The following DDAH1 variants were observed in gnomAD, a reference collection of about 807,000 sequenced individuals.
DDAH1 encodes the protein dimethylarginine dimethylaminohydrolase 1.
Under a neutral mutation model 28.8 loss-of-function variants are expected in DDAH1, and 19 were observed. The ratio of observed to expected loss-of-function variants is 0.66; its 90% CI spans 0.46 to 0.97. The LOEUF is 0.97. DDAH1 is among the 50% of genes least tolerant of loss of function. DDAH1 has a pLI of 0.00. For synonymous variants in DDAH1, 153 were observed against 154.4 expected, an observed-to-expected ratio of 0.99 and a Z score of 0.07; for missense variants, 326 against 375.9, an observed-to-expected ratio of 0.87 and a Z score of 1.10.
chr1:85,514,442 A>C (rs991550236), intron 1 of DDAH1, among the ~76,000 whole-genome samples: 2 of 151,388 alleles, frequency 1.3e-5, no homozygotes, highest in African/African-American at 2.4e-5. Flanking sequence ...TGATGAATTG[A>C]TGGGTGCAGC....
At chr1:85,392,221 G>C (rs1651585356) in intron 1 of DDAH1, among the ~76,000 whole-genome samples, 1 of 152,032 alleles carries the variant, frequency 6.6e-6, no homozygotes, top group Non-Finnish European at 1.5e-5. Context: ...ATCTGTTCTA[G>C]GCCTCGTTCC....
chr1:85,527,255 A>G (rs1657903669), intron 1 of DDAH1, among the ~76,000 whole-genome samples: 2 of 152,158 alleles, frequency 1.3e-5, no homozygotes, highest in Admixed American at 6.5e-5. Flanking sequence ...TGGGTGAGTA[A>G]AGCAAGTCTT....
At chr1:85,455,592 G>A (rs561404048) in intron 1 of DDAH1, among the ~76,000 whole-genome samples, 1 of 152,260 alleles carries the variant, frequency 6.6e-6, no homozygotes, top group South Asian at 2.1e-4. Flanking sequence ...GGTAAGTCAA[G>A]ACTTAGTTAT....
intron 4 of DDAH1, among the ~76,000 whole-genome samples, chr1:85,344,315 C>CAAATGTAATATATGAAAA (rs1648695167): frequency 6.6e-6 from 1 of 152,036 alleles, no homozygotes; most frequent in African/African-American, 2.4e-5. Flanking sequence ...TAAATATACA[C>CAAATGTAATATATGAAAA]AAATGTAATA....
At chr1:85,429,097 T>C (rs945147587) in intron 1 of DDAH1, among the ~76,000 whole-genome samples, 3 of 152,036 alleles carry the variant, frequency 2.0e-5, no homozygotes, top group Non-Finnish European at 2.9e-5. Context: ...ACACATGCCA[T>C]GGTGGTTTGC....
chr1:85,411,110 A>C (rs1652636125), intron 1 of DDAH1, among the ~76,000 whole-genome samples: 1 of 152,206 alleles, frequency 6.6e-6, no homozygotes, highest in South Asian at 2.1e-4. Flanking sequence ...CTGACCAGCT[A>C]TCTTAGTCTA....
At chr1:85,398,383 G>C (rs1651910884) in intron 1 of DDAH1, 1 of 152,162 alleles carries the variant, frequency 6.6e-6, no homozygotes, top group South Asian at 2.1e-4. Flanking sequence ...ATTATAGACA[G>C]AAAAATTATG....
In DDAH1 at chr1:85,427,981, A is replaced by G. The variant is rs368968985; in HGVS notation, c.303+36762T>C. Among the ~76,000 whole-genome samples, 17 of 152,296 alleles carry G rather than the reference A, an allele frequency of 1.1e-4. 1 individual carries two copies. Among genetic ancestry groups the G allele is most frequent in the Admixed American group, 5.2e-4 (8 of 15,296 alleles). ...CAAGATAGGGAGACCCAACCCTTAC[A>G]TTCATGGCACCCACATCCCAGTCTT... On this transcript the variant is annotated intron_variant, in intron 1 of 5. Transcript: ENST00000284031.
At chr1:85,325,378 C>T (rs556818973) in intron 4 of DDAH1, among the ~76,000 whole-genome samples, 53 of 152,298 alleles carry the variant, frequency 3.5e-4, no homozygotes, top group Admixed American at 1.8e-3. Flanking sequence ...CACACACACA[C>T]GCTTTGCTCT....
At chr1:85,322,244 C>T (rs1661378099) in intron 5 of DDAH1, among the ~76,000 whole-genome samples, 1 of 152,160 alleles carries the variant, frequency 6.6e-6, no homozygotes, top group Admixed American at 6.5e-5. Flanking sequence ...CAGTTTAAAA[C>T]CCTCTCAACT....
intron 1 of DDAH1, among the ~76,000 whole-genome samples, chr1:85,461,222 TA>T (rs34243833): frequency 6.6e-6 from 1 of 152,076 alleles, no homozygotes; most frequent in Non-Finnish European, 1.5e-5. Context: ...GTATTAAACA[TA>T]AAAAATACTC....
At chr1:85,400,126 T>A (rs979837146) in intron 1 of DDAH1, among the ~76,000 whole-genome samples, 1 of 151,896 alleles carries the variant, frequency 6.6e-6, no homozygotes, top group African/African-American at 2.4e-5. Context: ...CAGGGAGGAA[T>A]GCCTGAAGGA....
chr1:85,325,350 TGCGTGCGC>T (rs1016728246), intron 4 of DDAH1, among the ~76,000 whole-genome samples: 12 of 134,874 alleles, frequency 8.9e-5, no homozygotes, highest in African/African-American at 2.9e-4. Context: ...TGCATGCACG[TGCGTGCGC>T]GCGCGCGCGC....
chr1:85,551,189 A>C (rs1219556771), intron 1 of DDAH1, among the ~76,000 whole-genome samples: 1 of 152,242 alleles, frequency 6.6e-6, no homozygotes, highest in Non-Finnish European at 1.5e-5. Context: ...CCAGGGGACT[A>C]CATGGGGCTG....
Position 85,350,452 on chromosome 1 carries a change from G to A in DDAH1, c.560C>T (p.Ala187Val), listed in dbSNP as rs1180888836. The change falls in exon 4 of 6, where the codon GCA becomes GTA. Residue 187 changes from alanine (A) to valine (V), a missense_variant. By Grantham distance (64) the Ala-to-Val change is moderately conservative. Coordinates refer to ENST00000284031, the MANE Select transcript of DDAH1 (RefSeq NM_012137.4). ...FCSMAGPNLIAIGSSESAQKA... is the reference protein window; with the variant it reads ...FCSMAGPNLIVIGSSESAQKA... ...CTGTGCAGATTCACTAGACCCAATT[G>A]CGATCAGGTTAGGCCCAGCCATGCT... 2 of 1,614,052 alleles carry A rather than the reference G, an allele frequency of 1.2e-6. No homozygotes were observed. Among genetic ancestry groups the A allele is most frequent in the Admixed American group, 3.3e-5 (2 of 60,000 alleles).
At chr1:85,440,541 T>C (rs1191906401) in intron 1 of DDAH1, among the ~76,000 whole-genome samples, 2 of 152,228 alleles carry the variant, frequency 1.3e-5, no homozygotes, top group African/African-American at 2.4e-5. Context: ...CCTGACCCTA[T>C]ACAGGACTAC....
chr1:85,430,766 G>A (rs1426478400), intron 1 of DDAH1, among the ~76,000 whole-genome samples: 1 of 152,152 alleles, frequency 6.6e-6, no homozygotes, highest in African/African-American at 2.4e-5. Flanking sequence ...TGCTGAGGTT[G>A]CTTATCAGCT....
intron 2 of DDAH1, chr1:85,482,169 A>C (rs1656034629): frequency 6.6e-6 from 1 of 152,162 alleles, no homozygotes; most frequent in Non-Finnish European, 1.5e-5. Context: ...CTGAGGATTG[A>C]GGTTTTAAGG....
intron 1 of DDAH1, among the ~76,000 whole-genome samples, chr1:85,560,510 C>T (rs1351240015): frequency 6.6e-6 from 1 of 151,856 alleles, no homozygotes; most frequent in Non-Finnish European, 1.5e-5. Flanking sequence ...ATATATGATG[C>T]AATAGCACAA....
Sources: gnomAD v4.1 joint callset for allele counts (sites outside exome capture counted in the v4.1 genomes callset) on GRCh38, gnomAD v4.1.1 for gene constraint, MANE v1.5 for transcripts, NCBI Gene and HGNC (gene_info 2026-07-23, HGNC 2026-07-21) for gene names.